The following MAN1C1 variants were observed in gnomAD, a reference collection of about 807,000 sequenced individuals.
MAN1C1 encodes the protein mannosyl-oligosaccharide 1,2-alpha-mannosidase IC.
A neutral mutation model predicts 71.5 loss-of-function variants in MAN1C1; 49 were observed. The ratio of observed to expected loss-of-function variants is 0.69; its 90% confidence interval spans 0.54 to 0.87. The LOEUF is 0.87. Among genes scored for constraint, MAN1C1 ranks in the 40% least tolerant of loss-of-function variants. The pLI is 0.00. For synonymous variants in MAN1C1, 352 were observed against 343.7 expected (o/e 1.02, Z -0.27); for missense variants, 743 against 835.0 (o/e 0.89, Z 1.36).
At chr1:25,761,978 C>G (rs1414874084) in intron 6 of MAN1C1, among the ~76,000 whole-genome samples, 1 of 152,048 alleles carries the variant, frequency 6.6e-6, no homozygotes, top group East Asian at 1.9e-4. Flanking sequence ...TAAGTGAGAT[C>G]AAGTATTTGT....
rs2047708869 is a variant in MAN1C1 at position 25,782,508 on chromosome 1, C to G, written c.1651-77C>G. 1.1e-6 allele frequency: 1 copy of G among 931,648 alleles called. No homozygotes were observed. Among genetic ancestry groups the G allele is most frequent in the African/African-American group, 1.6e-5 (1 of 61,432 alleles). 57.7% of individuals were successfully genotyped at this position (931,648 alleles called of 1,614,324 possible). On this transcript the variant is annotated intron_variant, in intron 10 of 11. Transcript: ENST00000374332. This position sits in a 1 kb window ranked among gnomAD's most constrained non-coding sequence, Gnocchi z 4.4. ...CTGCTTTCTTCTAGCTCCAGCCTGC[C>G]AGGCATGCACAAGTCTTGAGGGGCC... is the stretch of plus-strand genomic sequence containing the variant.
At chr1:25,702,846 T>C (rs2046465069) in intron 2 of MAN1C1, among the ~76,000 whole-genome samples, 1 of 152,014 alleles carries the variant, frequency 6.6e-6, no homozygotes, top group Non-Finnish European at 1.5e-5. Context: ...AGCAGGAGAG[T>C]TGGGTGGCAT....
chr1:25,630,465 G>A (rs1347147105), intron 1 of MAN1C1, among the ~76,000 whole-genome samples: 1 of 152,078 alleles, frequency 6.6e-6, no homozygotes, highest in African/African-American at 2.4e-5. Context: ...GTTTGGGATT[G>A]CATTGAATCT....
intron 1 of MAN1C1, among the ~76,000 whole-genome samples, chr1:25,621,005 T>C (rs1451951212): frequency 6.6e-6 from 1 of 152,184 alleles, no homozygotes; most frequent in Non-Finnish European, 1.5e-5. Flanking sequence ...CCACAGAACA[T>C]GGGTTGGAGT....
In MAN1C1 at chr1:25,656,537, A is replaced by G. The variant is rs1423782697; in HGVS notation, c.541-29903A>G. ...ATACTTTCTTCAATGTTACAGGGTCAGCTTCATGTTTGGATAAATAAGCCT... is the reference window on the plus strand; with the variant it reads ...ATACTTTCTTCAATGTTACAGGGTCGGCTTCATGTTTGGATAAATAAGCCT... On this transcript the variant is annotated intron_variant, in intron 1 of 11. Transcript: ENST00000374332. 2.6e-5 allele frequency among the ~76,000 whole-genome samples: 4 copies of G among 152,220 alleles called. No individual in the cohort carries two copies. In the East Asian group the frequency reaches 5.8e-4, roughly 22 times the overall value.
At chr1:25,780,830 A>ACC in intron 9 of MAN1C1, 110 bp from the exon 10 acceptor site, 1 of 1,163,440 alleles carries the variant, frequency 8.6e-7, no homozygotes, top group South Asian at 1.4e-5. Context: ...ACCCACACAC[A>ACC]CCTGACATCA....
chr1:25,696,409 A>G (rs78624181), intron 2 of MAN1C1, among the ~76,000 whole-genome samples: 1 of 148,978 alleles, frequency 6.7e-6, no homozygotes, highest in Admixed American at 6.7e-5. Context: ...TTGAGCCTCT[A>G]TTTTTTTTTT....
chr1:25,627,475 A>C (rs189415439), intron 1 of MAN1C1, among the ~76,000 whole-genome samples: 1 of 151,646 alleles, frequency 6.6e-6, no homozygotes, highest in Non-Finnish European at 1.5e-5. Flanking sequence ...GGGTTTTGCC[A>C]TGTTAGCTAG....
At chr1:25,754,544 G>A in intron 5 of MAN1C1, among the ~76,000 whole-genome samples, 1 of 152,012 alleles carries the variant, frequency 6.6e-6, no homozygotes, top group East Asian at 1.9e-4. Context: ...AGGGAGGGGG[G>A]TGCTCTCGGG....
rs879106125 is a variant in MAN1C1, at chr1:25,763,496, A to AC, written c.1048-378_1048-377insC. ...AGAGTGAGACTGTCTCAAAAAAAAAAAAAAAAAAAAAACCCTCCCCAAAAG... is the reference window on the plus strand; with the variant it reads ...AGAGTGAGACTGTCTCAAAAAAAAAACAAAAAAAAAAAACCCTCCCCAAAAG... On this transcript the variant is annotated intron_variant, in intron 6 of 11. Coordinates refer to ENST00000374332, the MANE Select transcript of MAN1C1 (RefSeq NM_020379.4). 1.3e-3 allele frequency: 246 copies of AC among 184,972 alleles called. 6 individuals are homozygous for AC. The South Asian group carries it at 0.027, about 21-fold the overall frequency. 11.5% of individuals were successfully genotyped at this position (184,972 alleles called of 1,614,324 possible). A position where few individuals can be genotyped will look rare whatever the true frequency, so the allele number is the denominator to read the frequency against.
At chr1:25,685,498 C>T (rs1050455061) in intron 1 of MAN1C1, among the ~76,000 whole-genome samples, 1 of 152,198 alleles carries the variant, frequency 6.6e-6, no homozygotes, top group Non-Finnish European at 1.5e-5. Context: ...TGAGGGAGAC[C>T]TTGGGGGCTG....
chr1:25,717,049 T>C (rs754319533), intron 2 of MAN1C1, among the ~76,000 whole-genome samples: 4 of 152,254 alleles, frequency 2.6e-5, no homozygotes, highest in Admixed American at 6.5e-5. Context: ...TATGCTATGG[T>C]TTATTTTTTC....
At position 25,707,052 on chromosome 1, in the gene MAN1C1, C is replaced by T. The variant is rs759794334; in HGVS notation, c.637+20516C>T. Among the ~76,000 whole-genome samples the T allele has an allele frequency of 2.4e-4, 37 of 152,182 alleles. 1 individual carries two copies. The highest frequency in any genetic ancestry group is 1.5e-4 in the Non-Finnish European group (10 of 68,040). On this transcript the variant is annotated intron_variant, in intron 2 of 11. Transcript: ENST00000374332. ...TCCACTTGGCCCAGTTATCTCTTCC[C>T]GATTTATCCATAGATTGAGCTTGAT...
chr1:25,744,648 C>T lies in MAN1C1; in HGVS notation c.638-2020C>T, dbSNP rs540010922. ...TTCTCCCTCCCTCTCACCCTCACTTCCATTCTTTTTCCAGGCTGTATCCTT... is the reference window on the plus strand; with the variant it reads ...TTCTCCCTCCCTCTCACCCTCACTTTCATTCTTTTTCCAGGCTGTATCCTT... On this transcript the variant is annotated intron_variant, in intron 2 of 11. Coordinates refer to ENST00000374332, the MANE Select transcript of MAN1C1 (RefSeq NM_020379.4). Among the ~76,000 whole-genome samples, 19 of 152,310 alleles carry T rather than the reference C, an allele frequency of 1.2e-4. No homozygotes were observed. In the Middle Eastern group the frequency reaches 0.01, roughly 82 times the overall value.
chr1:25,752,332 A>AT (rs947993463), intron 4 of MAN1C1, among the ~76,000 whole-genome samples: 8 of 152,000 alleles, frequency 5.3e-5, no homozygotes, highest in African/African-American at 1.9e-4. Flanking sequence ...CCACCTGGCT[A>AT]TTTTTTGTAT....
intron 9 of MAN1C1, among the ~76,000 whole-genome samples, chr1:25,780,202 C>T (rs1429912522): frequency 1.3e-5 from 2 of 152,190 alleles, no homozygotes; most frequent in Non-Finnish European, 2.9e-5. Context: ...TATTAAAGCA[C>T]CCAGCACGGC....
In MAN1C1 at chr1:25,683,915, C is replaced by A. The variant is rs564033034; in HGVS notation, c.541-2525C>A. ...GCTCTGATTGCCTTGTGAATTCAGT[C>A]CCCAGCGATGCTGGGATGTTTTGTG... On this transcript the variant is annotated intron_variant, in intron 1 of 11. Transcript: ENST00000374332. Among the ~76,000 whole-genome samples, 124 of 152,310 alleles carry A rather than the reference C, an allele frequency of 8.1e-4. 1 individual carries two copies. Among genetic ancestry groups the A allele is most frequent in the African/African-American group, 2.8e-3 (118 of 41,572 alleles).
chr1:25,705,814 A>T (rs2046513749), intron 2 of MAN1C1, among the ~76,000 whole-genome samples: 1 of 152,210 alleles, frequency 6.6e-6, no homozygotes, highest in Non-Finnish European at 1.5e-5. Context: ...ATGGTGGCAC[A>T]TGCCAGTAGT....
intron 2 of MAN1C1, among the ~76,000 whole-genome samples, chr1:25,694,758 C>T (rs2046348963): frequency 6.6e-6 from 1 of 152,184 alleles, no homozygotes; most frequent in African/African-American, 2.4e-5. Context: ...CAGATGTTGC[C>T]AGATAGATAG....
Sources: gnomAD v4.1 joint callset for allele counts (sites outside exome capture counted in the v4.1 genomes callset) on GRCh38, gnomAD v4.1.1 for gene constraint, Gnocchi (gnomAD v3.1) non-coding constraint, MANE v1.5 for transcripts, NCBI Gene and HGNC (gene_info 2026-07-23, HGNC 2026-07-21) for gene names.